Variants in PLEKHA7 observed in about 807,000 individuals in gnomAD.
PLEKHA7 encodes pleckstrin homology domain-containing family A member 7.
Under a neutral mutation model 170.0 loss-of-function variants are expected in PLEKHA7, and 104 were observed. That is an observed-to-expected ratio of 0.61 (90% CI 0.52 to 0.72). The LOEUF (loss-of-function observed/expected upper bound fraction) is 0.72, where lower values mean the gene tolerates loss of function less well. Ranked by LOEUF, PLEKHA7 falls within the 30% of genes least tolerant of loss-of-function variation. PLEKHA7 has a pLI of 0.00. For missense variants in PLEKHA7, 1,615 were observed against 1,671.7 expected (o/e 0.97, Z 0.59); for synonymous variants, 648 against 660.8 (o/e 0.98, Z 0.30).
At chr11:16,831,508 T>C (rs888109356) in intron 9 of PLEKHA7, among the ~76,000 whole-genome samples, 3 of 152,254 alleles carry the variant, frequency 2.0e-5, no homozygotes, top group African/African-American at 7.2e-5. Context: ...CTTTCCCAGC[T>C]GGGCTGCTGT....
At chr11:16,910,133 TAATTAGAC>T (rs1363695823) in intron 3 of PLEKHA7, among the ~76,000 whole-genome samples, 1 of 152,268 alleles carries the variant, frequency 6.6e-6, no homozygotes, top group African/African-American at 2.4e-5. Flanking sequence ...CAAGTGCTAG[TAATTAGAC>T]CTGAATTTTA....
intron 3 of PLEKHA7, among the ~76,000 whole-genome samples, chr11:16,945,861 C>G (rs1860996478): frequency 1.3e-5 from 2 of 152,340 alleles, no homozygotes; most frequent in South Asian, 4.1e-4. Flanking sequence ...TGATTAAGAA[C>G]AAAAGTCCTA....
chr11:16,931,136 A>G (rs75187683), intron 3 of PLEKHA7, among the ~76,000 whole-genome samples: 2,576 of 152,302 alleles, frequency 0.017, 40 homozygotes, highest in African/African-American at 0.044. Flanking sequence ...CCAAATCACA[A>G]AACACCTAAT....
intron 3 of PLEKHA7, 143 bp from the exon 4 acceptor site, chr11:16,871,325 C>T (rs1379784687): frequency 1.6e-6 from 1 of 621,106 alleles, no homozygotes; most frequent in African/African-American, 1.8e-5. Flanking sequence ...CTGAGACACA[C>T]TTAGTCTGTC....
At chr11:16,799,425 G>C (rs368978259) in intron 17 of PLEKHA7, among the ~76,000 whole-genome samples, 1 of 152,204 alleles carries the variant, frequency 6.6e-6, no homozygotes, top group Non-Finnish European at 1.5e-5. Flanking sequence ...GAAAGGGAGA[G>C]GGGGAAGAGG....
At chr11:16,857,841 C>T (rs1853600696) in intron 4 of PLEKHA7, among the ~76,000 whole-genome samples, 1 of 152,164 alleles carries the variant, frequency 6.6e-6, no homozygotes, top group South Asian at 2.1e-4. Flanking sequence ...GCCTCAGCCT[C>T]CCAAGTAGTT....
chr11:16,996,707 C>T (rs111509670), intron 3 of PLEKHA7, among the ~76,000 whole-genome samples: 230 of 152,180 alleles, frequency 1.5e-3, no homozygotes, highest in African/African-American at 5.3e-3. Context: ...GAGGCCGAGG[C>T]GGGCGGATCA....
At chr11:16,874,075 C>G (rs773601160) in intron 3 of PLEKHA7, among the ~76,000 whole-genome samples, 1 of 152,194 alleles carries the variant, frequency 6.6e-6, no homozygotes, top group African/African-American at 2.4e-5. Context: ...CTGCTCATAA[C>G]GGAAATAACC....
intron 6 of PLEKHA7, among the ~76,000 whole-genome samples, chr11:16,853,633 G>C (rs1565016958): frequency 6.6e-6 from 1 of 152,218 alleles, no homozygotes; most frequent in Non-Finnish European, 1.5e-5. Flanking sequence ...CTCTCCATAT[G>C]TCAAAGGGGC....
Position 16,821,576 on chromosome 11 carries a change from A to G in PLEKHA7, c.1344-4254T>C, listed in dbSNP as rs189216345. On this transcript the variant is annotated intron_variant, in intron 10 of 26. Transcript: ENST00000531066. Reference sequence around the variant, plus strand: ...TTCCTCCCAATGTCTTAATGTGCTCAGTCTAATGAGATTAGCAGTCTTGAT... The same window carrying G: ...TTCCTCCCAATGTCTTAATGTGCTCGGTCTAATGAGATTAGCAGTCTTGAT... Among the ~76,000 whole-genome samples the G allele has an allele frequency of 1.7e-3, 259 of 152,368 alleles. 1 individual carries two copies. The highest frequency in any genetic ancestry group is 2.9e-3 in the Non-Finnish European group (197 of 68,040).
At chr11:16,962,373 A>C (rs1462886354) in intron 3 of PLEKHA7, among the ~76,000 whole-genome samples, 4 of 152,108 alleles carry the variant, frequency 2.6e-5, no homozygotes, top group Non-Finnish European at 5.9e-5. Context: ...ATATCTTTCC[A>C]CCGTGGTTAT....
intron 12 of PLEKHA7, 166 bp from the exon 13 acceptor site, chr11:16,813,332 C>G (rs961636260): frequency 5.8e-6 from 3 of 520,842 alleles, no homozygotes; most frequent in Non-Finnish European, 1.1e-5. Context: ...CTCGGTGCAG[C>G]TGAGAGCCGT....
chr11:16,868,627 T>G (rs1854584569), intron 4 of PLEKHA7, among the ~76,000 whole-genome samples: 1 of 152,154 alleles, frequency 6.6e-6, no homozygotes, highest in Non-Finnish European at 1.5e-5. Context: ...CCTCCCTTCT[T>G]CTCAATGCCT....
intron 3 of PLEKHA7, among the ~76,000 whole-genome samples, chr11:16,986,630 G>C (rs1319394203): frequency 6.6e-6 from 1 of 152,226 alleles, no homozygotes; most frequent in African/African-American, 2.4e-5. Flanking sequence ...CAAGTGGGGA[G>C]AAGACGCCCT....
chr11:16,778,915 T>C lies in PLEKHA7; in HGVS notation c.*83A>G. 1 of 701,498 alleles carries C rather than the reference T, an allele frequency of 1.4e-6. No individual in the cohort carries two copies. Among genetic ancestry groups the C allele is most frequent in the Non-Finnish European group, 2.6e-6 (1 of 384,328 alleles). The allele number at this position is 701,498 out of a possible 1,614,324, so 43.5% of individuals were successfully genotyped here. ...GGATTCCCTGCTCAGCTGGAAGGGG[T>C]TTCCTTGGGGGCAGAAAGGTCATCT... On this transcript the variant is annotated 3_prime_UTR_variant, in exon 27 of 27. Transcript: ENST00000531066.
At position 16,817,329 on chromosome 11, in the gene PLEKHA7, A is replaced by G. The variant is rs1282223969; in HGVS notation, c.1344-7T>C. The G allele has an allele frequency of 1.9e-6, 3 of 1,599,414 alleles. No homozygotes were observed. The highest frequency in any genetic ancestry group is 1.3e-5 in the African/African-American group (1 of 74,730). On this transcript the variant is annotated splice_polypyrimidine_tract_variant and splice_region_variant and intron_variant, in intron 10 of 26. Transcript: ENST00000531066. The surrounding 1 kb of genome is among the most constrained non-coding windows in gnomAD (Gnocchi z 4.4). ...CGTCTGGTCCAAGGGAAGACTGAGGAGAAAGGGTAAGAACGGGTCAGGCAA... is the reference window on the plus strand; with the variant it reads ...CGTCTGGTCCAAGGGAAGACTGAGGGGAAAGGGTAAGAACGGGTCAGGCAA...
chr11:16,954,944 C>A (rs555499406), intron 3 of PLEKHA7, among the ~76,000 whole-genome samples: 5 of 152,154 alleles, frequency 3.3e-5, no homozygotes, highest in Non-Finnish European at 7.4e-5. Context: ...CCCGCCTCAG[C>A]CTCCCAAAGT....
rs1851972438 is a variant in PLEKHA7 at position 16,841,664 on chromosome 11, G to A, written c.755C>T (p.Ala252Val). 1 of 1,614,196 alleles carries A rather than the reference G, an allele frequency of 6.2e-7. No homozygotes were observed. The highest frequency in any genetic ancestry group is 8.5e-7 in the Non-Finnish European group (1 of 1,180,038). The stretch of plus-strand genomic sequence containing the variant: ...GTAGGTCCTCATGCCTGACTGCTCG[G>A]CCTGAGAGCCCGCTGTGGAGCTGTT... Reference protein sequence around the residue: ...IYNSSTAGSQAEQSGMRTYYF... With the variant: ...IYNSSTAGSQVEQSGMRTYYF... The change falls in exon 9 of 27, where the codon GCC (alanine) becomes GTC (valine). Residue 252 changes from alanine to valine, a missense_variant. Ala to Val is a moderately conservative substitution (Grantham distance 64). Transcript: ENST00000531066.
At chr11:16,779,129 G>A (rs368009486) in intron 26 of PLEKHA7, 109 bp from the exon 27 acceptor site, 2 of 691,632 alleles carry the variant, frequency 2.9e-6, no homozygotes, top group Non-Finnish European at 5.3e-6. Flanking sequence ...AGCAGAGCAG[G>A]GGGCTCTGGC....
Sources: gnomAD v4.1 joint callset for allele counts (sites outside exome capture counted in the v4.1 genomes callset) on GRCh38, gnomAD v4.1.1 for gene constraint, Gnocchi (gnomAD v3.1) non-coding constraint, MANE v1.5 for transcripts, NCBI Gene and HGNC (gene_info 2026-07-23, HGNC 2026-07-21) for gene names.